The following TBXAS1 variants were observed in gnomAD, a reference collection of about 807,000 sequenced individuals.
The protein encoded by TBXAS1 is thromboxane A synthase 1.
A neutral mutation model predicts 60.7 loss-of-function variants in TBXAS1; 48 were observed. That is an observed-to-expected ratio of 0.79 (90% CI 0.63 to 1.01). TBXAS1 has a LOEUF of 1.01. Among genes scored for constraint, TBXAS1 ranks in the 50% least tolerant of loss-of-function variants. The pLI, the probability that TBXAS1 is intolerant of heterozygous loss-of-function variation, is 0.00. For missense variants in TBXAS1, 685 were observed against 686.3 expected (o/e 1.00, Z 0.02); for synonymous variants, 287 against 269.7 (o/e 1.06, Z -0.63).
rs76843070 is a variant in TBXAS1 at position 139,909,022 on chromosome 7, A to T, written c.237-2203A>T. Among the ~76,000 whole-genome samples the T allele has an allele frequency of 6.8e-4, 102 of 149,988 alleles. No individual in the cohort carries two copies. The South Asian group carries it at 8.3e-3, about 12-fold the overall frequency. ...CCTTCTGGCTTCCATGGTTCCTGAT[A>T]AAAAAAACCTGCTGTCCTTTGAACT... On this transcript the variant is annotated intron_variant, in intron 3 of 12. Coordinates refer to ENST00000448866, the MANE Select transcript of TBXAS1 (RefSeq NM_001061.7).
chr7:139,955,654 G>T, intron 7 of TBXAS1, 47 bp downstream of exon 7: 1 of 1,611,186 alleles, frequency 6.2e-7, no homozygotes, highest in Non-Finnish European at 8.5e-7. Flanking sequence ...CCAGCAAGTT[G>T]GGCAGACCCC....
chr7:139,825,738 T>C (rs967898551), upstream of TBXAS1, among the ~76,000 whole-genome samples: 1 of 152,206 alleles, frequency 6.6e-6, no homozygotes, highest in South Asian at 2.1e-4. Context: ...CACTTTCCCT[T>C]TCTGGGTTTC....
intron 2 of TBXAS1, among the ~76,000 whole-genome samples, chr7:139,874,323 G>T (rs140667193): frequency 6.6e-6 from 1 of 152,208 alleles, no homozygotes; most frequent in African/African-American, 2.4e-5. Flanking sequence ...GTATTCCGTG[G>T]AATAATTAAT....
intron 11 of TBXAS1, among the ~76,000 whole-genome samples, chr7:140,016,195 G>T (rs1815047818): frequency 6.6e-6 from 1 of 151,968 alleles, no homozygotes; most frequent in South Asian, 2.1e-4. Flanking sequence ...GGGCGTGGTG[G>T]CGGGCGCCTG....
intron 4 of TBXAS1, among the ~76,000 whole-genome samples, chr7:139,924,673 C>T (rs1373914646): frequency 2.0e-5 from 3 of 152,172 alleles, no homozygotes; most frequent in South Asian, 4.2e-4. Flanking sequence ...CAATCTCAAT[C>T]GTCCATTTTT....
At chr7:139,933,709 CTAAA>C (rs1807516267) in intron 4 of TBXAS1, among the ~76,000 whole-genome samples, 1 of 152,142 alleles carries the variant, frequency 6.6e-6, no homozygotes, top group African/African-American at 2.4e-5. Context: ...TAATTTTCCT[CTAAA>C]TAGGAGTTTT....
At chr7:139,781,706 G>A (rs1796996310) in intron 2 of TBXAS1, among the ~76,000 whole-genome samples, 2 of 151,692 alleles carry the variant, frequency 1.3e-5, no homozygotes, top group South Asian at 4.2e-4. Flanking sequence ...GTGGCGGTGG[G>A]CACCTGTAAT....
chr7:139,824,955 AAGT>A (rs1798400407), upstream of TBXAS1, among the ~76,000 whole-genome samples: 1 of 150,646 alleles, frequency 6.6e-6, no homozygotes. Context: ...TCAGCCTCCA[AAGT>A]AGCTGGGATT....
Position 139,975,691 on chromosome 7 carries a change from G to A in TBXAS1, c.1134+13458G>A, listed in dbSNP as rs1811512578. Among the ~76,000 whole-genome samples the A allele has an allele frequency of 6.6e-6, 1 of 152,206 alleles. No individual in the cohort carries two copies. Among genetic ancestry groups the A allele is most frequent in the Admixed American group, 6.5e-5 (1 of 15,286 alleles). On this transcript the variant is annotated intron_variant, in intron 9 of 12. Transcript: ENST00000448866. This position sits in a 1 kb window ranked among gnomAD's most constrained non-coding sequence, Gnocchi z 4.4. ...ATCTGTGACCTGTCATCCAGGCTCTGAGCCCTGAGGATAATAAGTTTCCCT... is the reference window on the plus strand; with the variant it reads ...ATCTGTGACCTGTCATCCAGGCTCTAAGCCCTGAGGATAATAAGTTTCCCT...
chr7:139,810,040 CT>C lies in TBXAS1; in HGVS notation c.-79-19258del, dbSNP rs374225998. On this transcript the variant is annotated intron_variant, in intron 4 of 16. Coordinates refer to the TBXAS1 transcript ENST00000336425. ...GTCATTTTCAATAAGTGGAAATTAACTTTTTTTTTTTTTTGAGACAGGGTCT... is the reference window on the plus strand; with the variant it reads ...GTCATTTTCAATAAGTGGAAATTAACTTTTTTTTTTTTTGAGACAGGGTCT... 7.7e-3 allele frequency among the ~76,000 whole-genome samples: 1,119 copies of C among 145,382 alleles called. 6 individuals carry two copies. The highest frequency in any genetic ancestry group is 0.02 in the African/African-American group (799 of 39,890).
intron 3 of TBXAS1, among the ~76,000 whole-genome samples, chr7:139,883,073 A>G (rs958830739): frequency 6.6e-6 from 1 of 152,208 alleles, no homozygotes; most frequent in African/African-American, 2.4e-5. Flanking sequence ...GAGAATAGGA[A>G]GAAAGTTGTC....
intron 3 of TBXAS1, among the ~76,000 whole-genome samples, chr7:139,877,208 G>A (rs1374891288): frequency 6.6e-6 from 1 of 152,126 alleles, no homozygotes; most frequent in Non-Finnish European, 1.5e-5. Flanking sequence ...GAGCGGGGAG[G>A]CAAGGCGTGT....
At chr7:139,946,465 G>A (rs1396843654) in intron 5 of TBXAS1, among the ~76,000 whole-genome samples, 1 of 152,208 alleles carries the variant, frequency 6.6e-6, no homozygotes, top group Non-Finnish European at 1.5e-5. Flanking sequence ...TCTCAAGAAG[G>A]AAGATGACAA....
At chr7:139,976,354 A>G (rs1213621288) in intron 9 of TBXAS1, among the ~76,000 whole-genome samples, 1 of 152,174 alleles carries the variant, frequency 6.6e-6, no homozygotes, top group East Asian at 1.9e-4. Context: ...TGAGATCCTA[A>G]GATCAGGGAG....
chr7:139,992,660 A>C (rs551524782), intron 9 of TBXAS1, among the ~76,000 whole-genome samples: 1 of 152,270 alleles, frequency 6.6e-6, no homozygotes, highest in African/African-American at 2.4e-5. Flanking sequence ...TGGCCTCTGC[A>C]AGCTCCCCAA....
At chr7:139,988,204 C>A (rs1450678026) in intron 9 of TBXAS1, among the ~76,000 whole-genome samples, 1 of 152,224 alleles carries the variant, frequency 6.6e-6, no homozygotes, top group African/African-American at 2.4e-5. Flanking sequence ...AGGGGAATTC[C>A]GCAAAAATCT....
intron 4 of TBXAS1, among the ~76,000 whole-genome samples, chr7:139,810,770 A>G (rs1656730464): frequency 2.0e-5 from 3 of 152,226 alleles, no homozygotes; most frequent in Admixed American, 6.5e-5. Context: ...TTGCTTTCCT[A>G]CAAGATTCAA....
At chr7:139,844,753 G>C (rs7796073) in intron 1 of TBXAS1, among the ~76,000 whole-genome samples, 92,297 of 152,072 alleles carry the variant, frequency 0.61, 29,204 homozygotes, top group East Asian at 0.88. Flanking sequence ...CAGAGAGTGA[G>C]CAAAATTGGT....
At chr7:139,946,194 T>C (rs1044299636) in intron 5 of TBXAS1, among the ~76,000 whole-genome samples, 3 of 152,054 alleles carry the variant, frequency 2.0e-5, no homozygotes, top group African/African-American at 7.2e-5. Flanking sequence ...ATTAGCCAGC[T>C]GTGGTTGTGT....
Sources: gnomAD v4.1 joint callset for allele counts (sites outside exome capture counted in the v4.1 genomes callset) on GRCh38, gnomAD v4.1.1 for gene constraint, Gnocchi (gnomAD v3.1) non-coding constraint, MANE v1.5 for transcripts, NCBI Gene and HGNC (gene_info 2026-07-23, HGNC 2026-07-21) for gene names.